Variants in KALRN observed in about 807,000 individuals in gnomAD.
The protein encoded by KALRN is kalirin.
In KALRN, 70 loss-of-function variants were observed where a neutral mutation model predicts 353.7. The observed-to-expected ratio is 0.20, with a 90% CI of 0.16 to 0.24. The LOEUF (loss-of-function observed/expected upper bound fraction) is 0.24, where lower values mean the gene tolerates loss of function less well. Among genes scored for constraint, KALRN ranks in the 10% least tolerant of loss-of-function variants. The pLI, the probability that KALRN is intolerant of heterozygous loss-of-function variation, is 1.00. For missense variants in KALRN, 2,791 were observed against 3,756.7 expected (o/e 0.74, Z 6.72); for synonymous variants, 1,391 against 1,434.8 (o/e 0.97, Z 0.69).
chr3:124,121,611 T>G (rs561980478), intron 1 of KALRN, among the ~76,000 whole-genome samples: 4 of 152,336 alleles, frequency 2.6e-5, no homozygotes, highest in Middle Eastern at 3.4e-3. Flanking sequence ...GGGTTGACTC[T>G]GGGGCCCATG....
intron 33 of KALRN, among the ~76,000 whole-genome samples, chr3:124,522,620 G>T (rs1468444783): frequency 6.6e-6 from 1 of 152,174 alleles, no homozygotes; most frequent in Non-Finnish European, 1.5e-5. Flanking sequence ...TTAAAGCACA[G>T]ACTGCAGGGC....
At chr3:124,454,488 G>C (rs1470474278) in intron 21 of KALRN, among the ~76,000 whole-genome samples, 1 of 152,186 alleles carries the variant, frequency 6.6e-6, no homozygotes, top group East Asian at 1.9e-4. Context: ...TAATGTAAGA[G>C]ATTCTTACAT....
intron 33 of KALRN, among the ~76,000 whole-genome samples, chr3:124,533,256 T>A (rs1273835447): frequency 6.6e-6 from 1 of 152,014 alleles, no homozygotes; most frequent in Admixed American, 6.6e-5. Context: ...AATTTAAAAA[T>A]TATTTAGCTT....
chr3:124,402,186 T>C (rs1432765804), intron 13 of KALRN, among the ~76,000 whole-genome samples: 1 of 152,230 alleles, frequency 6.6e-6, no homozygotes, highest in Non-Finnish European at 1.5e-5. Flanking sequence ...GCACATGAGC[T>C]GCTGCACCAA....
chr3:124,647,153 C>T (rs1344443758), intron 37 of KALRN, among the ~76,000 whole-genome samples: 1 of 152,112 alleles, frequency 6.6e-6, no homozygotes, highest in Non-Finnish European at 1.5e-5. Flanking sequence ...ATGACCCTCT[C>T]ACCACAGCCT....
intron 6 of KALRN, among the ~76,000 whole-genome samples, chr3:124,308,801 G>A (rs1481260047): frequency 1.3e-5 from 2 of 151,180 alleles, no homozygotes; most frequent in Non-Finnish European, 3.0e-5. Context: ...GCAGAAGAAA[G>A]GAAATAATAA....
intron 34 of KALRN, among the ~76,000 whole-genome samples, chr3:124,626,786 G>A (rs905759793): frequency 2.6e-5 from 4 of 152,252 alleles, no homozygotes; most frequent in East Asian, 3.9e-4. Context: ...TATAATAATG[G>A]TAAAGATGAA....
chr3:124,586,667 A>G (rs9827855), intron 34 of KALRN, among the ~76,000 whole-genome samples: 3,343 of 152,114 alleles, frequency 0.022, 100 homozygotes, highest in African/African-American at 0.076. Flanking sequence ...AAGGCTAGCG[A>G]CCCTCAGATG....
In KALRN at chr3:124,720,376, T is replaced by A. The variant is rs2063330720; in HGVS notation, c.*906T>A. On this transcript the variant is annotated 3_prime_UTR_variant, in exon 60 of 60. Transcript: ENST00000682506. ...ACCAGGTTTGAAATAAGTAAACAAATACAAGAGGTTCATATAAAAGGGCAA... is the reference window on the plus strand; with the variant it reads ...ACCAGGTTTGAAATAAGTAAACAAAAACAAGAGGTTCATATAAAAGGGCAA... 6.6e-6 allele frequency: 1 copy of A among 152,584 alleles called. No individual in the cohort carries two copies. Among genetic ancestry groups the A allele is most frequent in the African/African-American group, 2.4e-5 (1 of 41,454 alleles). 9.5% of individuals were successfully genotyped at this position (152,584 alleles called of 1,614,324 possible). A position where few individuals can be genotyped will look rare whatever the true frequency, so the allele number is the denominator to read the frequency against.
chr3:124,368,956 A>G (rs572546860), intron 10 of KALRN, among the ~76,000 whole-genome samples: 1 of 151,764 alleles, frequency 6.6e-6, no homozygotes, highest in East Asian at 1.9e-4. Context: ...AGGCTGAGGC[A>G]GGAGAATCAG....
chr3:124,493,227 A>T (rs2063358208), intron 32 of KALRN, among the ~76,000 whole-genome samples: 1 of 152,226 alleles, frequency 6.6e-6, no homozygotes, highest in African/African-American at 2.4e-5. Flanking sequence ...ATTCTATAAG[A>T]ATTCAAAGAA....
At chr3:124,040,711 T>C (rs1401207248) in intron 1 of KALRN, among the ~76,000 whole-genome samples, 2 of 152,224 alleles carry the variant, frequency 1.3e-5, no homozygotes, top group Non-Finnish European at 2.9e-5. Flanking sequence ...TAAAGCTTGT[T>C]TCACAGGTTG....
At chr3:124,584,565 G>C in intron 34 of KALRN, 3 of 1,286,926 alleles carry the variant, frequency 2.3e-6, no homozygotes, top group Non-Finnish European at 3.0e-6. Context: ...TCCGGCCGCT[G>C]CTGGCCAGGT....
chr3:124,079,249 A>C (rs1382197134), intron 1 of KALRN, among the ~76,000 whole-genome samples: 1 of 152,188 alleles, frequency 6.6e-6, no homozygotes, highest in Non-Finnish European at 1.5e-5. Flanking sequence ...AAGTCAGGAA[A>C]CTTGATACCA....
At position 124,722,701 on chromosome 3, in the gene KALRN, A is replaced by G. The variant is rs2063374150; in HGVS notation, c.*3231A>G. On this transcript the variant is annotated 3_prime_UTR_variant, in exon 60 of 60. Transcript: ENST00000682506. ...CTCTTGTTCCTGTTTTGGCGGAGAG[A>G]TTTATTACTTGGTAGTAAAGAAGAG... The G allele has an allele frequency of 6.6e-6, 1 of 152,186 alleles. No individual in the cohort carries two copies. The highest frequency in any genetic ancestry group is 2.4e-5 in the African/African-American group (1 of 41,446). 9.4% of individuals were successfully genotyped at this position (152,186 alleles called of 1,614,324 possible).
At chr3:124,220,793 G>A (rs898353354) in intron 1 of KALRN, among the ~76,000 whole-genome samples, 1 of 152,346 alleles carries the variant, frequency 6.6e-6, no homozygotes, top group South Asian at 2.1e-4. Context: ...GACTTAGGGA[G>A]AAGATCAAAA....
intron 1 of KALRN, among the ~76,000 whole-genome samples, chr3:124,150,605 T>C (rs2067968877): frequency 6.6e-6 from 1 of 152,222 alleles, no homozygotes; most frequent in Non-Finnish European, 1.5e-5. Context: ...TTTGCTGTCA[T>C]TTATAGATTT....
intron 25 of KALRN, among the ~76,000 whole-genome samples, chr3:124,471,464 T>G (rs1248879878): frequency 1.3e-5 from 2 of 151,788 alleles, no homozygotes; most frequent in Non-Finnish European, 2.9e-5. Flanking sequence ...TTTTTGTATT[T>G]TTAATAGAGA....
intron 15 of KALRN, among the ~76,000 whole-genome samples, chr3:124,423,482 G>A (rs974340589): frequency 6.6e-6 from 1 of 152,174 alleles, no homozygotes; most frequent in Non-Finnish European, 1.5e-5. Context: ...ATTTTAAAAA[G>A]GAAAAATAAC....
Sources: gnomAD v4.1 joint callset for allele counts (sites outside exome capture counted in the v4.1 genomes callset) on GRCh38, gnomAD v4.1.1 for gene constraint, MANE v1.5 for transcripts, NCBI Gene and HGNC (gene_info 2026-07-23, HGNC 2026-07-21) for gene names.